SMURF1: variants seen among roughly 807,000 people sequenced by gnomAD.
The protein encoded by SMURF1 is E3 ubiquitin-protein ligase SMURF1.
SMURF1 carries 44 observed loss-of-function variants against 98.0 expected under a neutral mutation model. That is an observed-to-expected ratio of 0.45 (90% confidence interval 0.35 to 0.58). The LOEUF is 0.58. SMURF1 is among the 20% of genes least tolerant of loss of function. The pLI, the probability that SMURF1 is intolerant of heterozygous loss-of-function variation, is 0.00. For missense variants in SMURF1, 687 were observed against 938.4 expected, an observed-to-expected ratio of 0.73 and a Z score of 3.50; for synonymous variants, 396 against 374.9, an observed-to-expected ratio of 1.06 and a Z score of -0.65.
intron 1 of SMURF1, among the ~76,000 whole-genome samples, chr7:99,105,348 T>C (rs531783815): frequency 2.0e-5 from 3 of 152,166 alleles, no homozygotes; most frequent in Non-Finnish European, 2.9e-5. Context: ...ATACATAAGC[T>C]ACAGAAAGGC....
rs1584443862 is a variant in SMURF1, at chr7:99,036,917, T to C, written c.1809+150A>G. 3.4e-6 allele frequency: 4 copies of C among 1,166,540 alleles called. No individual in the cohort carries two copies. In the East Asian group the frequency reaches 9.5e-5, roughly 28 times the overall value. 72.3% of individuals were successfully genotyped at this position (1,166,540 alleles called of 1,614,324 possible). Reference sequence around the variant, plus strand: ...CATGAACACCCTCTACTCCCCACTCTTGCTCCAGCCCTGGCTCTAGTCTGG... The same window carrying C: ...CATGAACACCCTCTACTCCCCACTCCTGCTCCAGCCCTGGCTCTAGTCTGG... On this transcript the variant is annotated intron_variant, in intron 15 of 17. Transcript: ENST00000361368.
At chr7:99,093,696 A>G (rs1796867073) in intron 1 of SMURF1, among the ~76,000 whole-genome samples, 1 of 152,088 alleles carries the variant, frequency 6.6e-6, no homozygotes, top group Admixed American at 6.5e-5. Context: ...TCTTTAAGAC[A>G]CTTTCCTTAT....
At chr7:99,088,447 A>G (rs1584164970) in intron 1 of SMURF1, among the ~76,000 whole-genome samples, 1 of 149,704 alleles carries the variant, frequency 6.7e-6, no homozygotes, top group African/African-American at 2.4e-5. Context: ...CCCTTCTTCA[A>G]TCTGTCCTTT....
chr7:99,049,793 G>A, intron 8 of SMURF1, 84 bp from the exon 9 acceptor site: 1 of 1,374,072 alleles, frequency 7.3e-7, no homozygotes, highest in South Asian at 1.3e-5. Flanking sequence ...AGCCACAGAG[G>A]TTCCTTATCA....
At chr7:99,037,342 A>G (rs932251524) in intron 14 of SMURF1, among the ~76,000 whole-genome samples, 155 bp from the exon 15 acceptor site, 1 of 152,052 alleles carries the variant, frequency 6.6e-6, no homozygotes, top group Non-Finnish European at 1.5e-5. Flanking sequence ...GGTTCAAGCA[A>G]TTCTTCTGCC....
At chr7:99,057,292 CTT>C (rs1250767338) in intron 4 of SMURF1, 22 bp from the exon 5 acceptor site, 1 of 1,614,008 alleles carries the variant, frequency 6.2e-7, no homozygotes, top group Non-Finnish European at 8.5e-7. Flanking sequence ...CAATTCAAAA[CTT>C]AACCCAAGGA....
In SMURF1 at chr7:99,084,556, A is replaced by C. The variant is rs893043383; in HGVS notation, c.56-22719T>G. 3.3e-5 allele frequency among the ~76,000 whole-genome samples: 5 copies of C among 152,194 alleles called. No homozygotes were observed. In the East Asian group the frequency reaches 9.6e-4, roughly 29 times the overall value. On this transcript the variant is annotated intron_variant, in intron 1 of 17. Transcript: ENST00000361368. ...GGAACTAGATATCAAGAACTAGCTC[A>C]CAGAAAATAAACATCAATAGCCCGT...
At chr7:99,037,247 T>C (rs541273274) in intron 14 of SMURF1, 60 bp from the exon 15 acceptor site, 29 of 1,599,020 alleles carry the variant, frequency 1.8e-5, no homozygotes, top group South Asian at 7.7e-5. Context: ...CATGGGCAGG[T>C]TTTTTTTGGA....
Position 99,062,097 on chromosome 7 carries a change from CT to C in SMURF1, c.56-261del, listed in dbSNP as rs1013163853. On this transcript the variant is annotated intron_variant, in intron 1 of 17. Coordinates refer to ENST00000361368, the MANE Select transcript of SMURF1 (RefSeq NM_181349.3). ...ACATTCAGATGGGTTGATCAATATA[CT>C]TTTTTTTTTTTTAAGAGATAAGGTC... Among the ~76,000 whole-genome samples the C allele has an allele frequency of 9.4e-3, 1,363 of 144,742 alleles. 20 individuals carry two copies. Among genetic ancestry groups the C allele is most frequent in the African/African-American group, 0.028 (1,124 of 39,824 alleles). 95.0% of individuals were successfully genotyped at this position (144,742 alleles called of 152,430 possible). A position where few individuals can be genotyped will look rare whatever the true frequency, so the allele number is the denominator to read the frequency against.
At position 99,049,208 on chromosome 7, in the gene SMURF1, G is replaced by A. The variant is rs76673531; in HGVS notation, c.953+355C>T. On this transcript the variant is annotated intron_variant, in intron 9 of 17. Coordinates refer to ENST00000361368, the MANE Select transcript of SMURF1 (RefSeq NM_181349.3). The stretch of plus-strand genomic sequence containing the variant: ...GTTCCAAGGTATCCAGTTCCCCACC[G>A]TGCAGGCACTAGGGGGATAGCACGT... 1,025 of 206,876 alleles carry A rather than the reference G, an allele frequency of 5.0e-3. 7 individuals carry two copies. Among genetic ancestry groups the A allele is most frequent in the African/African-American group, 0.023 (992 of 42,610 alleles). 12.8% of individuals were successfully genotyped at this position (206,876 alleles called of 1,614,324 possible). A position where few individuals can be genotyped will look rare whatever the true frequency, so the allele number is the denominator to read the frequency against.
chr7:99,123,978 G>T (rs1797696099), intron 1 of SMURF1, among the ~76,000 whole-genome samples: 1 of 152,198 alleles, frequency 6.6e-6, no homozygotes, highest in South Asian at 2.1e-4. Flanking sequence ...GGTAGGTCTT[G>T]TCTGAGGCTT....
At chr7:99,101,531 A>C (rs1407165415) in intron 1 of SMURF1, among the ~76,000 whole-genome samples, 1 of 152,264 alleles carries the variant, frequency 6.6e-6, no homozygotes, top group Non-Finnish European at 1.5e-5. Flanking sequence ...TTTCAAACTG[A>C]AACACAATAA....
At chr7:99,105,964 T>G (rs946286145) in intron 1 of SMURF1, among the ~76,000 whole-genome samples, 2 of 152,186 alleles carry the variant, frequency 1.3e-5, no homozygotes, top group Non-Finnish European at 2.9e-5. Context: ...CCGTCATCCC[T>G]TTGCCTATTT....
intron 1 of SMURF1, among the ~76,000 whole-genome samples, chr7:99,109,120 C>A (rs1314675982): frequency 6.6e-6 from 1 of 152,140 alleles, no homozygotes; most frequent in Non-Finnish European, 1.5e-5. Context: ...CTTCTGCCAA[C>A]AGGAAGTCCT....
At chr7:99,080,340 C>T (rs747970609) in intron 1 of SMURF1, among the ~76,000 whole-genome samples, 11 of 152,158 alleles carry the variant, frequency 7.2e-5, no homozygotes, top group Admixed American at 1.3e-4. Flanking sequence ...GCTCTTGTTG[C>T]GGAGGCTGGA....
chr7:99,136,908 C>T lies in SMURF1; in HGVS notation c.55+6818G>A, dbSNP rs115026563. On this transcript the variant is annotated intron_variant, in intron 1 of 17. Coordinates refer to ENST00000361368, the MANE Select transcript of SMURF1 (RefSeq NM_181349.3). ...GAGGCTGCAGTGAGCTGTTATGGTG[C>T]CACTGCACCCCAGTCTGGGTAACAG... 2.5e-3 allele frequency among the ~76,000 whole-genome samples: 379 copies of T among 152,294 alleles called. 2 individuals carry two copies. Among genetic ancestry groups the T allele is most frequent in the African/African-American group, 8.9e-3 (369 of 41,556 alleles).
Position 99,030,839 on chromosome 7 carries a change from CT to C in SMURF1, c.2097-157del, listed in dbSNP as rs1562993624. On this transcript the variant is annotated intron_variant, in intron 17 of 17. Transcript: ENST00000361368. ...AGTTCTCCATGTCCCCTGTGTTTTTCTGCTTCTAATACAAAGATTTGTAATT... is the reference window on the plus strand; with the variant it reads ...AGTTCTCCATGTCCCCTGTGTTTTTCGCTTCTAATACAAAGATTTGTAATT... The C allele has an allele frequency of 5.4e-6, 3 of 558,830 alleles. No individual in the cohort carries two copies. In the African/African-American group the frequency reaches 5.7e-5, roughly 11 times the overall value. The allele number at this position is 558,830 out of a possible 1,614,324, so 34.6% of individuals were successfully genotyped here.
At chr7:99,092,186 T>A (rs1046600740) in intron 1 of SMURF1, among the ~76,000 whole-genome samples, 1 of 152,220 alleles carries the variant, frequency 6.6e-6, no homozygotes, top group Non-Finnish European at 1.5e-5. Flanking sequence ...CTATCACCTA[T>A]CGAGGACTCA....
chr7:99,037,920 G>GAAAGT (rs962208332), intron 14 of SMURF1, among the ~76,000 whole-genome samples: 1 of 152,232 alleles, frequency 6.6e-6, no homozygotes, highest in Non-Finnish European at 1.5e-5. Flanking sequence ...AAGTACATTT[G>GAAAGT]AAAGTACAGC....
Sources: allele counts gnomAD v4.1 joint callset (sites outside exome capture counted in the v4.1 genomes callset), GRCh38; gene constraint gnomAD v4.1.1; transcripts MANE v1.5; gene names NCBI Gene and HGNC (gene_info 2026-07-23, HGNC 2026-07-21).